TNKS: variants seen among roughly 807,000 people sequenced by gnomAD.
The protein encoded by TNKS is poly [ADP-ribose] polymerase tankyrase-1.
A neutral mutation model predicts 135.8 loss-of-function variants in TNKS; 72 were observed. The observed-to-expected ratio is 0.53, with a 90% CI of 0.44 to 0.64. The LOEUF is 0.64. Ranked by LOEUF, TNKS falls within the 30% of genes least tolerant of loss-of-function variation. TNKS has a pLI of 0.00. For synonymous variants in TNKS, 849 were observed against 649.3 expected, an observed-to-expected ratio of 1.31 and a Z score of -4.68; for missense variants, 1,769 against 1,674.0, an observed-to-expected ratio of 1.06 and a Z score of -0.99.
chr8:9,596,656 A>G (rs1201912338), intron 2 of TNKS, among the ~76,000 whole-genome samples: 1 of 152,216 alleles, frequency 6.6e-6, no homozygotes, highest in Non-Finnish European at 1.5e-5. Context: ...CCAAAGATAC[A>G]TTTATTTTGG....
intron 1 of TNKS, among the ~76,000 whole-genome samples, chr8:9,565,725 C>T (rs550664720): frequency 1.3e-4 from 20 of 152,108 alleles, no homozygotes; most frequent in African/African-American, 3.9e-4. Context: ...GGCGTGGTGG[C>T]GGGCGCCTGT....
chr8:9,690,059 G>C, intron 5 of TNKS, among the ~76,000 whole-genome samples: 1 of 152,176 alleles, frequency 6.6e-6, no homozygotes, highest in East Asian at 1.9e-4. Flanking sequence ...AGTTACATCA[G>C]ACCAAGAAAC....
intron 17 of TNKS, among the ~76,000 whole-genome samples, chr8:9,744,004 A>T (rs959224753): frequency 6.6e-6 from 1 of 152,080 alleles, no homozygotes; most frequent in East Asian, 1.9e-4. Context: ...ATTCCTTCAT[A>T]CTTATTTACT....
intron 1 of TNKS, chr8:9,558,069 T>C (rs1193490730): frequency 6.6e-6 from 1 of 152,222 alleles, no homozygotes; most frequent in Admixed American, 6.5e-5. Context: ...TGTTTTTTAT[T>C]GTAGCCCATA....
At chr8:9,714,080 G>A (rs1284660455) in intron 11 of TNKS, among the ~76,000 whole-genome samples, 2 of 152,166 alleles carry the variant, frequency 1.3e-5, no homozygotes, top group Non-Finnish European at 2.9e-5. Context: ...TTATCATTAA[G>A]TAATTTGCCT....
chr8:9,744,864 T>C (rs1387247636), intron 17 of TNKS, among the ~76,000 whole-genome samples: 2 of 152,350 alleles, frequency 1.3e-5, no homozygotes, highest in Non-Finnish European at 1.5e-5. Context: ...AGCATGTAGT[T>C]GGTTTGTCCA....
chr8:9,769,518 C>G (rs925989116), intron 25 of TNKS, among the ~76,000 whole-genome samples: 8 of 150,924 alleles, frequency 5.3e-5, no homozygotes, highest in African/African-American at 1.9e-4. Context: ...AGCTTATTTT[C>G]TTCACTTTCC....
chr8:9,769,724 A>G (rs1807703618), intron 25 of TNKS, among the ~76,000 whole-genome samples: 1 of 140,002 alleles, frequency 7.1e-6, no homozygotes, highest in Non-Finnish European at 1.5e-5. Flanking sequence ...TGTTCGTGCC[A>G]TTCTCCTGCC....
Position 9,641,142 on chromosome 8 carries a change from G to C in TNKS, c.994+25465G>C, listed in dbSNP as rs1262346931. ...TTTATTCAGTTACAGGTGTGTTCCT[G>C]TTCAGTTACAAGTATGGCCTTTGGC... is the stretch of plus-strand genomic sequence containing the variant. On this transcript the variant is annotated intron_variant, in intron 3 of 26. Transcript: ENST00000310430. Among the ~76,000 whole-genome samples the C allele has an allele frequency of 1.4e-5, 2 of 145,944 alleles. 1 individual carries two copies. Among genetic ancestry groups the C allele is most frequent in the Non-Finnish European group, 3.0e-5 (2 of 66,690 alleles).
chr8:9,609,220 G>A (rs890308679), intron 2 of TNKS, among the ~76,000 whole-genome samples: 6 of 152,082 alleles, frequency 3.9e-5, no homozygotes, highest in East Asian at 3.9e-4. Flanking sequence ...ATTTCTGCTC[G>A]TTGCAGGTTT....
chr8:9,596,989 A>C (rs1269559181), intron 2 of TNKS, among the ~76,000 whole-genome samples: 1 of 152,224 alleles, frequency 6.6e-6, no homozygotes, highest in East Asian at 1.9e-4. Flanking sequence ...GTGGTATACG[A>C]GGTATTAAGG....
At chr8:9,559,366 G>C (rs1439879059) in intron 1 of TNKS, among the ~76,000 whole-genome samples, 1 of 152,148 alleles carries the variant, frequency 6.6e-6, no homozygotes, top group Non-Finnish European at 1.5e-5. Context: ...AAGGTTGGAA[G>C]GGACGATGTT....
chr8:9,576,387 A>C (rs929133933), intron 1 of TNKS, among the ~76,000 whole-genome samples: 15 of 151,976 alleles, frequency 9.9e-5, no homozygotes, highest in Non-Finnish European at 2.1e-4. Context: ...ATTTACAATC[A>C]TGGCAGAAGG....
chr8:9,759,420 G>A (rs1205582500), intron 20 of TNKS, among the ~76,000 whole-genome samples: 1 of 152,224 alleles, frequency 6.6e-6, no homozygotes, highest in East Asian at 1.9e-4. Context: ...AATGCCAGGA[G>A]GTAGGAGAGC....
At chr8:9,681,268 T>A (rs1187809999) in intron 5 of TNKS, 1 of 152,574 alleles carries the variant, frequency 6.6e-6, no homozygotes, top group African/African-American at 2.4e-5. Flanking sequence ...GTAACAGCTC[T>A]GCTCTTTTAT....
intron 1 of TNKS, chr8:9,566,564 A>C (rs934588018): frequency 2.7e-5 from 4 of 150,752 alleles, no homozygotes; most frequent in African/African-American, 9.7e-5. Context: ...TTAAGTACAT[A>C]AATATTAATC....
Position 9,601,149 on chromosome 8 carries a change from G to A in TNKS, c.899-14433G>A, listed in dbSNP as rs190202867. ...ATAAATACTAAAACAGTGTAGAAAT[G>A]TATAAAATAGAAAGTGGAAATCCCG... On this transcript the variant is annotated intron_variant, in intron 2 of 26. Transcript: ENST00000310430. Among the ~76,000 whole-genome samples the A allele has an allele frequency of 7.9e-5, 12 of 152,258 alleles. No individual in the cohort carries two copies. The East Asian group carries it at 2.3e-3, about 29-fold the overall frequency.
chr8:9,558,859 C>T (rs986937022), intron 1 of TNKS: 4 of 152,096 alleles, frequency 2.6e-5, no homozygotes, highest in Admixed American at 6.5e-5. Flanking sequence ...GCCACGCTTC[C>T]GTGATTGAAT....
chr8:9,746,444 T>G (rs1267808724), intron 17 of TNKS, among the ~76,000 whole-genome samples: 5 of 152,206 alleles, frequency 3.3e-5, no homozygotes, highest in Non-Finnish European at 5.9e-5. Flanking sequence ...AACTTGCTTC[T>G]GTATTGGCTT....
Sources: allele counts gnomAD v4.1 joint callset (sites outside exome capture counted in the v4.1 genomes callset), GRCh38; gene constraint gnomAD v4.1.1; transcripts MANE v1.5; gene names NCBI Gene and HGNC (gene_info 2026-07-23, HGNC 2026-07-21).